The following TLCD4 variants were observed in gnomAD, a reference collection of about 807,000 sequenced individuals.
TLCD4 encodes the protein TLC domain-containing protein 4.
A neutral mutation model predicts 24.2 loss-of-function variants in TLCD4; 7 were observed. The ratio of observed to expected loss-of-function variants is 0.29; its 90% CI spans 0.16 to 0.54. TLCD4 has a LOEUF of 0.54. Among genes scored for constraint, TLCD4 ranks in the 20% least tolerant of loss-of-function variants. The pLI is 0.95. For synonymous variants in TLCD4, 103 were observed against 106.4 expected, an observed-to-expected ratio of 0.97 and a Z score of 0.20; for missense variants, 259 against 313.9, an observed-to-expected ratio of 0.82 and a Z score of 1.32.
the TLCD4 span, among the ~76,000 whole-genome samples, chr1:95,098,445 T>C: frequency 6.6e-6 from 1 of 152,214 alleles, no homozygotes; most frequent in Non-Finnish European, 1.5e-5. Context: ...GCTGTTTCCA[T>C]AAACGCATAT....
At chr1:95,153,554 C>T (rs1677549138) in intron 5 of TLCD4, among the ~76,000 whole-genome samples, 1 of 152,040 alleles carries the variant, frequency 6.6e-6, no homozygotes, top group Admixed American at 6.6e-5. Context: ...TCAGTTATGC[C>T]AATTTATCAC....
upstream of TLCD4, among the ~76,000 whole-genome samples, chr1:95,113,105 C>T (rs1417770939): frequency 6.0e-5 from 9 of 150,350 alleles, no homozygotes; most frequent in Non-Finnish European, 7.4e-5. Context: ...TGCAGTGGCG[C>T]GATCTCGGCT....
chr1:95,186,705 T>G (rs1678841895), intron 6 of TLCD4, among the ~76,000 whole-genome samples: 1 of 152,214 alleles, frequency 6.6e-6, no homozygotes, highest in South Asian at 2.1e-4. Flanking sequence ...GAGACCTGGA[T>G]TAGAATGTGG....
intron 6 of TLCD4, among the ~76,000 whole-genome samples, chr1:95,186,024 T>C (rs969071366): frequency 1.3e-5 from 2 of 152,210 alleles, no homozygotes; most frequent in Non-Finnish European, 2.9e-5. Flanking sequence ...GAAAGGACTG[T>C]CGAGCCAGTT....
rs554147175 is a variant in TLCD4 at position 95,180,323 on chromosome 1, TTATAC to T, written c.473+6436_473+6440del. Among the ~76,000 whole-genome samples, 398 of 152,324 alleles carry T rather than the reference TTATAC, an allele frequency of 2.6e-3. 2 individuals are homozygous for T. Among genetic ancestry groups the T allele is most frequent in the African/African-American group, 9.2e-3 (384 of 41,574 alleles). Reference sequence around the variant, plus strand: ...AATTTTATAGTTTTATAATAAAAACTTATACTGTACCTTTATCTAAAAGCTTTGAA... The same window carrying T: ...AATTTTATAGTTTTATAATAAAAACTTGTACCTTTATCTAAAAGCTTTGAA... On this transcript the variant is annotated intron_variant, in intron 6 of 6. Coordinates refer to ENST00000370203, the MANE Select transcript of TLCD4 (RefSeq NM_152487.3).
chr1:95,102,820 C>G, the TLCD4 span, among the ~76,000 whole-genome samples: 13 of 151,980 alleles, frequency 8.6e-5, no homozygotes, highest in African/African-American at 2.9e-4. Context: ...AAGGAATTAT[C>G]AAAACTTTGA....
intron 1 of TLCD4, among the ~76,000 whole-genome samples, chr1:95,120,532 A>G (rs2100898964): frequency 6.6e-6 from 1 of 152,322 alleles, no homozygotes; most frequent in Non-Finnish European, 1.5e-5. Context: ...AAGGCAATGG[A>G]TATATAAGAA....
intron 6 of TLCD4, among the ~76,000 whole-genome samples, chr1:95,175,179 A>G (rs1326655960): frequency 6.6e-6 from 1 of 152,194 alleles, no homozygotes. Context: ...TTGAAACTCT[A>G]CGCCCATTAA....
rs1241829495 is a variant in TLCD4 at position 95,196,922 on chromosome 1, T to C, written c.*5054T>C. On this transcript the variant is annotated 3_prime_UTR_variant, in exon 7 of 7. Transcript: ENST00000370203. ...AAGGAATTTTGTGTAGATAATACTC[T>C]CACTAACTTGTAAATAGGATAAGTT... 2 of 152,134 alleles carry C rather than the reference T, an allele frequency of 1.3e-5. No homozygotes were observed. The highest frequency in any genetic ancestry group is 6.5e-5 in the Admixed American group (1 of 15,270). The allele number at this position is 152,134 out of a possible 1,614,324, so 9.4% of individuals were successfully genotyped here.
intron 6 of TLCD4, among the ~76,000 whole-genome samples, chr1:95,185,532 G>A (rs925766736): frequency 5.3e-5 from 8 of 151,938 alleles, no homozygotes; most frequent in South Asian, 2.1e-4. Context: ...TTCCAACTTC[G>A]TCACCTCTTC....
Position 95,192,510 on chromosome 1 carries a change from A to G in TLCD4, c.*642A>G, listed in dbSNP as rs1489511987. 6.6e-6 allele frequency: 1 copy of G among 152,190 alleles called. No individual in the cohort carries two copies. Among genetic ancestry groups the G allele is most frequent in the Non-Finnish European group, 1.5e-5 (1 of 68,042 alleles). The allele number at this position is 152,190 out of a possible 1,614,324, so 9.4% of individuals were successfully genotyped here. ...AGATGACTATGATAATCTGGTACAA[A>G]TGGTTTTATGTCACCAATTTTGCTG... On this transcript the variant is annotated 3_prime_UTR_variant, in exon 7 of 7. Transcript: ENST00000370203.
chr1:95,142,244 C>G (rs2100933981), intron 1 of TLCD4, among the ~76,000 whole-genome samples: 1 of 131,292 alleles, frequency 7.6e-6, no homozygotes, highest in East Asian at 2.4e-4. Flanking sequence ...TAGTACTATT[C>G]TTTCTGCTAA....
chr1:95,157,854 A>G (rs1001959499), intron 5 of TLCD4, among the ~76,000 whole-genome samples: 1 of 152,174 alleles, frequency 6.6e-6, no homozygotes, highest in African/African-American at 2.4e-5. Context: ...AGTATATTCT[A>G]TTTATCAAGT....
intron 6 of TLCD4, among the ~76,000 whole-genome samples, chr1:95,183,792 C>T (rs914148638): frequency 5.3e-5 from 8 of 151,872 alleles, no homozygotes; most frequent in African/African-American, 1.7e-4. Flanking sequence ...GAGCCGAGAT[C>T]GCACCACTGC....
intron 1 of TLCD4, among the ~76,000 whole-genome samples, chr1:95,135,243 C>G (rs563343534): frequency 1.3e-5 from 2 of 152,298 alleles, no homozygotes; most frequent in East Asian, 3.9e-4. Context: ...GGGCCCCTGC[C>G]TTCTGCAGAC....
chr1:95,127,650 C>T (rs757393855), intron 1 of TLCD4, among the ~76,000 whole-genome samples: 1 of 152,100 alleles, frequency 6.6e-6, no homozygotes, highest in Non-Finnish European at 1.5e-5. Context: ...TCTGTAGAAC[C>T]TCTCTCTTTT....
chr1:95,123,289 G>A (rs886470149), intron 1 of TLCD4, among the ~76,000 whole-genome samples: 2 of 152,088 alleles, frequency 1.3e-5, no homozygotes, highest in African/African-American at 4.8e-5. Flanking sequence ...TTAAACCTGT[G>A]TGAGTGCTCC....
At chr1:95,098,954 G>A in the TLCD4 span, among the ~76,000 whole-genome samples, 6 of 151,160 alleles carry the variant, frequency 4.0e-5, no homozygotes, top group Non-Finnish European at 7.4e-5. Flanking sequence ...CCAGCTGCTC[G>A]GGAGGCTGAG....
At chr1:95,108,976 T>A in the TLCD4 span, among the ~76,000 whole-genome samples, 1 of 152,230 alleles carries the variant, frequency 6.6e-6, no homozygotes, top group African/African-American at 2.4e-5. Context: ...GACTTTGGAA[T>A]CATTTTGTCC....
Sources: allele counts gnomAD v4.1 joint callset (sites outside exome capture counted in the v4.1 genomes callset), GRCh38; gene constraint gnomAD v4.1.1; transcripts MANE v1.5; gene names NCBI Gene and HGNC (gene_info 2026-07-23, HGNC 2026-07-21).